Variants in ATP2A2 observed in about 807,000 individuals in gnomAD.
ATP2A2 encodes sarcoplasmic/endoplasmic reticulum calcium ATPase 2.
ATP2A2 carries 14 observed loss-of-function variants against 109.3 expected under a neutral mutation model. The observed-to-expected ratio is 0.13, with a 90% CI of 0.08 to 0.20. ATP2A2 has a LOEUF of 0.20. Among genes scored for constraint, ATP2A2 ranks in the 10% least tolerant of loss-of-function variants. The pLI is 1.00. For missense variants in ATP2A2, 657 were observed against 1,321.6 expected (o/e 0.50, Z 7.80); for synonymous variants, 506 against 490.9 (o/e 1.03, Z -0.41).
intron 5 of ATP2A2, among the ~76,000 whole-genome samples, chr12:110,307,034 C>T (rs926762964): frequency 5.3e-5 from 8 of 152,074 alleles, no homozygotes; most frequent in Admixed American, 5.2e-4. Context: ...GCTGAGATTA[C>T]AGGTGTGAGC....
intron 8 of ATP2A2, chr12:110,332,349 G>C (rs11065629): frequency 2.4e-5 from 12 of 503,870 alleles, no homozygotes; most frequent in Non-Finnish European, 3.6e-5. Flanking sequence ...CAGCACCTCA[G>C]TGATGCTGTT....
intron 3 of ATP2A2, among the ~76,000 whole-genome samples, chr12:110,290,657 TG>T (rs574477858): frequency 6.4e-4 from 98 of 152,358 alleles, no homozygotes; most frequent in South Asian, 2.3e-3. Flanking sequence ...CAGGCTGGTG[TG>T]CAGTGGTGCG....
At chr12:110,320,926 A>T (rs1477907490) in intron 5 of ATP2A2, among the ~76,000 whole-genome samples, 1 of 152,242 alleles carries the variant, frequency 6.6e-6, no homozygotes, top group African/African-American at 2.4e-5. Flanking sequence ...ACTAATTTGA[A>T]GGTTTAAGAA....
At chr12:110,283,312 T>C (rs1373508996) in intron 3 of ATP2A2, among the ~76,000 whole-genome samples, 1 of 152,212 alleles carries the variant, frequency 6.6e-6, no homozygotes, top group Non-Finnish European at 1.5e-5. Context: ...CACTGACCTT[T>C]AGGGTGGTAT....
chr12:110,318,993 C>T (rs1351777144), intron 5 of ATP2A2, among the ~76,000 whole-genome samples: 4 of 152,050 alleles, frequency 2.6e-5, no homozygotes, highest in Non-Finnish European at 5.9e-5. Context: ...TGCATTTTTT[C>T]TCTTGCATTA....
At chr12:110,316,531 A>G (rs1273237243) in intron 5 of ATP2A2, among the ~76,000 whole-genome samples, 4 of 152,206 alleles carry the variant, frequency 2.6e-5, no homozygotes, top group African/African-American at 7.2e-5. Context: ...TAAAGGAAAT[A>G]TGTGTGCCAA....
At chr12:110,341,112 G>C in intron 14 of ATP2A2, 118 bp downstream of exon 14, 2 of 1,133,218 alleles carry the variant, frequency 1.8e-6, no homozygotes, top group Non-Finnish European at 2.6e-6. Flanking sequence ...TCATGATTTG[G>C]GTCTTTTCTC....
At position 110,327,631 on chromosome 12, in the gene ATP2A2, G is replaced by A. The variant is rs770031210; in HGVS notation, c.709G>A (p.Asp237Asn). 2.5e-6 allele frequency: 4 copies of A among 1,614,176 alleles called. No homozygotes were observed. Among genetic ancestry groups the A allele is most frequent in the Non-Finnish European group, 2.5e-6 (3 of 1,180,032 alleles). Residue 237 changes from aspartate to asparagine, a missense_variant, in exon 8 of 20, where the codon GAT becomes AAT. Physicochemically the swap from Asp to Asn is conservative, Grantham distance 23. Transcript: ENST00000539276. This position sits in a 1 kb window ranked among gnomAD's most constrained non-coding sequence, Gnocchi z 4.4. ...TAACACCGAAATTGGCAAGATCCGG[G>A]ATGAAATGGTGGCAACAGAACAGGA... is the stretch of plus-strand genomic sequence containing the variant. ...GVNTEIGKIR[D>N]EMVATEQERT...
At chr12:110,334,343 C>A in intron 11 of ATP2A2, 200 bp downstream of exon 11, 1 of 711,284 alleles carries the variant, frequency 1.4e-6, no homozygotes, top group Non-Finnish European at 2.3e-6. Flanking sequence ...CAATCAATAG[C>A]TAATTTCCTT....
At chr12:110,282,933 G>A in intron 3 of ATP2A2, 138 bp downstream of exon 3, 1 of 798,510 alleles carries the variant, frequency 1.3e-6, no homozygotes. Flanking sequence ...AAAACAATCT[G>A]GGCATTTTAA....
chr12:110,305,138 T>C (rs750154071), intron 5 of ATP2A2, among the ~76,000 whole-genome samples: 4 of 152,300 alleles, frequency 2.6e-5, no homozygotes. Context: ...TTCACCGTTT[T>C]GGCCAGGCTG....
At chr12:110,318,543 G>A (rs1032525109) in intron 5 of ATP2A2, among the ~76,000 whole-genome samples, 2 of 152,004 alleles carry the variant, frequency 1.3e-5, no homozygotes, top group African/African-American at 2.4e-5. Flanking sequence ...GCGCAACTTC[G>A]GCTCACTGCA....
chr12:110,332,575 C>T, intron 8 of ATP2A2, 22 bp from the exon 9 acceptor site: 2 of 1,578,970 alleles, frequency 1.3e-6, no homozygotes, highest in Non-Finnish European at 1.7e-6. Context: ...TTTAAATACT[C>T]TGATGCGCTC....
intron 1 of ATP2A2, among the ~76,000 whole-genome samples, chr12:110,282,291 A>G (rs1317643160): frequency 6.6e-6 from 1 of 152,034 alleles, no homozygotes; most frequent in African/African-American, 2.4e-5. Flanking sequence ...GTCCTACCCA[A>G]AGTTACACAT....
In ATP2A2 at chr12:110,348,670, A is replaced by G; in HGVS notation, c.*2200A>G. The G allele has an allele frequency of 5.1e-6, 5 of 985,388 alleles. No individual in the cohort carries two copies. The highest frequency in any genetic ancestry group is 6.0e-6 in the Non-Finnish European group (5 of 829,964). The allele number at this position is 985,388 out of a possible 1,614,324, so 61.0% of individuals were successfully genotyped here. On this transcript the variant is annotated 3_prime_UTR_variant, in exon 20 of 20. Transcript: ENST00000539276. ...AGGATTGCTTGAGCCCAGGTACTCA[A>G]ACCAGCCTGGGCAACAGAGTGAGGC...
chr12:110,337,066 G>T (rs1878904408), intron 11 of ATP2A2, among the ~76,000 whole-genome samples: 1 of 152,182 alleles, frequency 6.6e-6, no homozygotes. Flanking sequence ...ACTAGCCAGT[G>T]ACCACACAAG....
chr12:110,286,316 A>T (rs79233552), intron 3 of ATP2A2, among the ~76,000 whole-genome samples: 2,010 of 152,318 alleles, frequency 0.013, 43 homozygotes, highest in African/African-American at 0.044. Flanking sequence ...GTAGTTTCTC[A>T]GAAGAGAATA....
At chr12:110,332,575 C>CTT (rs1255737399) in intron 8 of ATP2A2, 22 bp from the exon 9 acceptor site, 3 of 1,578,848 alleles carry the variant, frequency 1.9e-6, no homozygotes, top group African/African-American at 2.7e-5. Context: ...TTTAAATACT[C>CTT]TGATGCGCTC....
chr12:110,281,809 A>G lies in ATP2A2; in HGVS notation c.20A>G (p.Lys7Arg). 6.5e-6 allele frequency: 10 copies of G among 1,543,014 alleles called. No individual in the cohort carries two copies. The highest frequency in any genetic ancestry group is 8.7e-6 in the Non-Finnish European group (10 of 1,145,278). The change falls in exon 1 of 20, where the codon AAG becomes AGG. Residue 7 changes from lysine (K) to arginine (R), a missense_variant. Physicochemically the swap from Lys to Arg is conservative, Grantham distance 26. Transcript: ENST00000539276. The stretch of plus-strand genomic sequence containing the variant: ...GAAGCCATGGAGAACGCGCACACCA[A>G]GACGGTGGAGGAGGTGCTGGGCCAC... MENAHT[K>R]TVEEVLGHFG...
Sources: gnomAD v4.1 joint callset for allele counts (sites outside exome capture counted in the v4.1 genomes callset) on GRCh38, gnomAD v4.1.1 for gene constraint, Gnocchi (gnomAD v3.1) non-coding constraint, MANE v1.5 for transcripts, NCBI Gene and HGNC (gene_info 2026-07-23, HGNC 2026-07-21) for gene names.